Variants in EDIL3 observed in about 807,000 individuals in gnomAD.
EDIL3 encodes EGF like and discoidin domains 3.
A neutral mutation model predicts 67.4 loss-of-function variants in EDIL3; 37 were observed. That is an observed-to-expected ratio of 0.55 (90% confidence interval 0.42 to 0.72). EDIL3 has a LOEUF of 0.72. Ranked by LOEUF, EDIL3 falls within the 30% of genes least tolerant of loss-of-function variation. EDIL3 has a pLI of 0.00. For missense variants in EDIL3, 527 were observed against 586.3 expected, an observed-to-expected ratio of 0.90 and a Z score of 1.04; for synonymous variants, 195 against 196.3, an observed-to-expected ratio of 0.99 and a Z score of 0.05.
At chr5:84,334,050 G>C (rs1189538783) in intron 1 of EDIL3, among the ~76,000 whole-genome samples, 1 of 150,542 alleles carries the variant, frequency 6.6e-6, no homozygotes, top group Non-Finnish European at 1.5e-5. Flanking sequence ...TTACACAGGG[G>C]CCATGTGGAA....
chr5:84,138,233 C>T (rs1748128314), intron 4 of EDIL3, among the ~76,000 whole-genome samples: 1 of 152,190 alleles, frequency 6.6e-6, no homozygotes, highest in Non-Finnish European at 1.5e-5. Context: ...TCCAGTTGAG[C>T]TCCCTATCTG....
intron 2 of EDIL3, among the ~76,000 whole-genome samples, chr5:84,239,424 C>T: frequency 6.6e-6 from 1 of 152,036 alleles, no homozygotes. Context: ...CCTTTCCTTC[C>T]CTCCTTCAGC....
At position 84,204,799 on chromosome 5, in the gene EDIL3, A is replaced by T. The variant is rs1743925776; in HGVS notation, c.227-24278T>A. ...GCATAAGTTAATTGGCCCAAGGCCA[A>T]TATTTAAAAAAAAAAAAAAAAAAGG... On this transcript the variant is annotated intron_variant, in intron 3 of 10. Coordinates refer to ENST00000296591, the MANE Select transcript of EDIL3 (RefSeq NM_005711.5). Among the ~76,000 whole-genome samples, 4 of 114,358 alleles carry T rather than the reference A, an allele frequency of 3.5e-5. No homozygotes were observed. The South Asian group carries it at 1.1e-3, about 33-fold the overall frequency. 75.0% of individuals were successfully genotyped at this position (114,358 alleles called of 152,430 possible). A position where few individuals can be genotyped will look rare whatever the true frequency, so the allele number is the denominator to read the frequency against.
At chr5:84,154,563 T>C (rs1020252736) in intron 4 of EDIL3, among the ~76,000 whole-genome samples, 10 of 151,994 alleles carry the variant, frequency 6.6e-5, no homozygotes, top group Middle Eastern at 3.4e-3. Context: ...ATAGTTTTTT[T>C]TTCTGGAATA....
chr5:84,148,700 G>C (rs1420560752), intron 4 of EDIL3, among the ~76,000 whole-genome samples: 1 of 152,004 alleles, frequency 6.6e-6, no homozygotes, highest in Non-Finnish European at 1.5e-5. Context: ...AGAGCTAGAG[G>C]CAACAAAACA....
chr5:84,057,395 T>C lies in EDIL3; in HGVS notation c.1137+2905A>G, dbSNP rs190294418. On this transcript the variant is annotated intron_variant, in intron 9 of 10. Coordinates refer to ENST00000296591, the MANE Select transcript of EDIL3 (RefSeq NM_005711.5). ...GTCTACCAACCTCCTGAGCTACTTA[T>C]GGGGTGTAAAATAGTTTGCCTTATT... 4.8e-3 allele frequency among the ~76,000 whole-genome samples: 360 copies of C among 74,472 alleles called. 1 individual carries two copies. Among genetic ancestry groups the C allele is most frequent in the African/African-American group, 0.019 (345 of 18,398 alleles). The allele number at this position is 74,472 out of a possible 152,430, so 48.9% of individuals were successfully genotyped here. A position where few individuals can be genotyped will look rare whatever the true frequency, so the allele number is the denominator to read the frequency against.
chr5:84,261,815 A>C (rs1745226670), intron 1 of EDIL3, among the ~76,000 whole-genome samples: 1 of 152,302 alleles, frequency 6.6e-6, no homozygotes, highest in African/African-American at 2.4e-5. Context: ...TGCTAATTTA[A>C]AGCAGGACAT....
intron 9 of EDIL3, among the ~76,000 whole-genome samples, chr5:84,004,502 A>G (rs1018788271): frequency 5.9e-5 from 9 of 152,114 alleles, no homozygotes; most frequent in Non-Finnish European, 2.9e-5. Context: ...AATAAAATCA[A>G]TATGAAGTAC....
intron 1 of EDIL3, among the ~76,000 whole-genome samples, chr5:84,287,207 T>C (rs750229836): frequency 6.6e-6 from 1 of 152,144 alleles, no homozygotes; most frequent in Non-Finnish European, 1.5e-5. Context: ...TCATAAAGAA[T>C]ATATAGTAAT....
At chr5:84,241,926 T>G (rs1744800546) in intron 2 of EDIL3, among the ~76,000 whole-genome samples, 1 of 151,928 alleles carries the variant, frequency 6.6e-6, no homozygotes, top group African/African-American at 2.4e-5. Context: ...AATCATTTAA[T>G]TTATACAAAA....
rs755987051 is a variant in EDIL3 at position 84,180,494 on chromosome 5, T to C, written c.254A>G (p.Asn85Ser). The C allele has an allele frequency of 4.4e-6, 7 of 1,606,178 alleles. No homozygotes were observed. In the South Asian group the frequency reaches 7.8e-5, roughly 18 times the overall value. The part of the protein sequence containing the change: ...AGPCTPNPCH[N>S]GGTCEISEAY... ...TTCACTTATTTCACAGGTTCCTCCA[T>C]TATGGCATGGATTAGGAGTGCAGGG... is the stretch of plus-strand genomic sequence containing the variant. The change falls in exon 4 of 11, where the codon AAT (asparagine) becomes AGT (serine). Residue 85 changes from asparagine (N) to serine (S), a missense_variant. Around this residue, in one of 2 missense-constraint regions of EDIL3, gnomAD observed 494 missense variants for 522.5 expected, o/e 0.95. Transcript: ENST00000296591.
intron 9 of EDIL3, among the ~76,000 whole-genome samples, chr5:84,017,109 T>G (rs932061002): frequency 6.6e-6 from 1 of 152,204 alleles, no homozygotes; most frequent in Non-Finnish European, 1.5e-5. Flanking sequence ...TGAAGATCAA[T>G]GCAGAAAGTG....
At chr5:84,113,840 C>A (rs1747616188) in intron 5 of EDIL3, among the ~76,000 whole-genome samples, 1 of 152,184 alleles carries the variant, frequency 6.6e-6, no homozygotes, top group South Asian at 2.1e-4. Context: ...CTTTAAACAT[C>A]TCCAGTCCTC....
chr5:84,069,765 G>C (rs913216000), intron 6 of EDIL3, among the ~76,000 whole-genome samples: 1 of 152,080 alleles, frequency 6.6e-6, no homozygotes, highest in Admixed American at 6.6e-5. Flanking sequence ...CACGGATCTA[G>C]GTGAGGACAA....
At chr5:84,136,099 C>T (rs1475979858) in intron 5 of EDIL3, among the ~76,000 whole-genome samples, 2 of 152,070 alleles carry the variant, frequency 1.3e-5, no homozygotes, top group African/African-American at 4.8e-5. Flanking sequence ...ATGGACGTGT[C>T]ATGTATATTC....
intron 6 of EDIL3, among the ~76,000 whole-genome samples, chr5:84,087,665 T>C (rs571479292): frequency 6.6e-6 from 1 of 152,326 alleles, no homozygotes; most frequent in African/African-American, 2.4e-5. Context: ...CAACAAATAG[T>C]ATTCCTGCCC....
At chr5:84,012,984 T>C (rs2112182544) in intron 9 of EDIL3, among the ~76,000 whole-genome samples, 1 of 152,072 alleles carries the variant, frequency 6.6e-6, no homozygotes, top group South Asian at 2.1e-4. Flanking sequence ...CCAATCTTAC[T>C]AGAATTTCCT....
intron 1 of EDIL3, among the ~76,000 whole-genome samples, chr5:84,374,387 A>G (rs1747921466): frequency 2.0e-5 from 3 of 152,200 alleles, no homozygotes; most frequent in Admixed American, 2.0e-4. Flanking sequence ...TAGATTAAGA[A>G]TATGTTCTCT....
At position 84,218,264 on chromosome 5, in the gene EDIL3, C is replaced by T. The variant is rs369225509; in HGVS notation, c.226+11591G>A. Reference sequence around the variant, plus strand: ...ATAAGATAATATCAACCTAACATACCTAATGACAGTATTTAATACTCTTAG... The same window carrying T: ...ATAAGATAATATCAACCTAACATACTTAATGACAGTATTTAATACTCTTAG... On this transcript the variant is annotated intron_variant, in intron 3 of 10. Coordinates refer to ENST00000296591, the MANE Select transcript of EDIL3 (RefSeq NM_005711.5). 3.3e-5 allele frequency among the ~76,000 whole-genome samples: 5 copies of T among 152,068 alleles called. No homozygotes were observed. In the East Asian group the frequency reaches 5.8e-4, roughly 18 times the overall value.
Sources: gnomAD v4.1 joint callset for allele counts (sites outside exome capture counted in the v4.1 genomes callset) on GRCh38, gnomAD v4.1.1 for gene constraint, gnomAD v4.1.1 regional missense constraint, MANE v1.5 for transcripts, NCBI Gene and HGNC (gene_info 2026-07-23, HGNC 2026-07-21) for gene names.